Variants in ADK observed in about 807,000 individuals in gnomAD.
ADK encodes the protein N6,N6-dimethyladenosine kinase.
In ADK, 24 loss-of-function variants were observed where a neutral mutation model predicts 44.7. The ratio of observed to expected loss-of-function variants is 0.54; its 90% CI spans 0.39 to 0.76. ADK has a LOEUF of 0.76. Among genes scored for constraint, ADK ranks in the 30% least tolerant of loss-of-function variants. The pLI is 0.00. For synonymous variants in ADK, 128 were observed against 142.6 expected, an observed-to-expected ratio of 0.90 and a Z score of 0.73; for missense variants, 321 against 425.1, an observed-to-expected ratio of 0.76 and a Z score of 2.15.
intron 6 of ADK, among the ~76,000 whole-genome samples, chr10:74,482,706 A>C (rs901080620): frequency 1.3e-5 from 2 of 152,236 alleles, no homozygotes; most frequent in African/African-American, 4.8e-5. Flanking sequence ...CTGTTCCAAA[A>C]GGGATAAATC....
intron 4 of ADK, among the ~76,000 whole-genome samples, chr10:74,328,384 T>C (rs1306934574): frequency 3.3e-5 from 3 of 91,304 alleles, no homozygotes; most frequent in Non-Finnish European, 8.9e-5. Flanking sequence ...CCACTCATTT[T>C]TTCCACCATA....
At chr10:74,528,465 TAAA>T (rs542288544) in intron 7 of ADK, among the ~76,000 whole-genome samples, 1 of 131,434 alleles carries the variant, frequency 7.6e-6, no homozygotes, top group Admixed American at 7.7e-5. Flanking sequence ...AATCTTCACT[TAAA>T]AAAAAAAAAA....
intron 9 of ADK, among the ~76,000 whole-genome samples, chr10:74,638,359 T>C (rs1853693902): frequency 6.6e-6 from 1 of 152,204 alleles, no homozygotes; most frequent in South Asian, 2.1e-4. Context: ...TCACCATAAA[T>C]ACTTTCAATA....
chr10:74,277,169 C>G (rs1846721154), intron 3 of ADK, among the ~76,000 whole-genome samples: 1 of 152,186 alleles, frequency 6.6e-6, no homozygotes. Context: ...CCGCCCTCCT[C>G]AGCCTCCCAA....
chr10:74,458,839 GA>G (rs1846054960), intron 6 of ADK, among the ~76,000 whole-genome samples: 1 of 152,122 alleles, frequency 6.6e-6, no homozygotes, highest in South Asian at 2.1e-4. Context: ...CCTTACGAGA[GA>G]GTTCTTTTGA....
intron 6 of ADK, among the ~76,000 whole-genome samples, chr10:74,475,749 G>A (rs539714191): frequency 1.4e-5 from 2 of 145,546 alleles, no homozygotes; most frequent in Admixed American, 7.0e-5. Flanking sequence ...GAGAGAAAGA[G>A]AGAAATAAAA....
chr10:74,437,503 C>G (rs904272536), intron 6 of ADK, among the ~76,000 whole-genome samples: 2 of 152,126 alleles, frequency 1.3e-5, no homozygotes, highest in African/African-American at 4.8e-5. Context: ...CCTAGCCAAA[C>G]CCTAGGAGTC....
intron 6 of ADK, among the ~76,000 whole-genome samples, chr10:74,455,546 C>T (rs1011653272): frequency 2.6e-5 from 4 of 151,954 alleles, no homozygotes; most frequent in African/African-American, 7.3e-5. Context: ...AGTCTCACTC[C>T]GTCACCAGGC....
At chr10:74,409,986 C>A (rs1483480228) in intron 6 of ADK, among the ~76,000 whole-genome samples, 1 of 151,984 alleles carries the variant, frequency 6.6e-6, no homozygotes, top group Non-Finnish European at 1.5e-5. Context: ...TATCAGTAAT[C>A]TAAAAGCAAT....
chr10:74,385,267 G>GTGTTAATA (rs1843105254), intron 4 of ADK, among the ~76,000 whole-genome samples: 1 of 152,104 alleles, frequency 6.6e-6, no homozygotes, highest in Admixed American at 6.6e-5. Flanking sequence ...GTTAATAGAG[G>GTGTTAATA]CAGGAGTAAA....
intron 3 of ADK, among the ~76,000 whole-genome samples, chr10:74,314,343 A>AT: frequency 6.6e-6 from 1 of 151,990 alleles, no homozygotes; most frequent in Non-Finnish European, 1.5e-5. Flanking sequence ...TGGGATTCTG[A>AT]TTTTGACTTA....
intron 6 of ADK, among the ~76,000 whole-genome samples, chr10:74,462,297 C>T (rs1359187210): frequency 1.6e-4 from 24 of 151,910 alleles, no homozygotes; most frequent in East Asian, 3.9e-4. Flanking sequence ...AGAAGTTATA[C>T]GGAGTATTAA....
intron 3 of ADK, among the ~76,000 whole-genome samples, chr10:74,282,394 A>G (rs534819421): frequency 2.0e-5 from 3 of 152,208 alleles, no homozygotes; most frequent in African/African-American, 7.2e-5. Context: ...AAACTGTGAA[A>G]GGGGTTTAAG....
intron 6 of ADK, among the ~76,000 whole-genome samples, chr10:74,458,193 A>G (rs1846029422): frequency 8.3e-6 from 1 of 121,176 alleles, no homozygotes; most frequent in Non-Finnish European, 1.6e-5. Context: ...GTGCAGCGGT[A>G]TGATCACCGC....
chr10:74,547,832 A>G (rs1291857320), intron 7 of ADK, among the ~76,000 whole-genome samples: 6 of 151,814 alleles, frequency 4.0e-5, no homozygotes, highest in African/African-American at 1.2e-4. Flanking sequence ...CTAATTTTGT[A>G]TTTTTGGTAG....
chr10:74,691,605 G>A (rs1174525847), intron 10 of ADK, among the ~76,000 whole-genome samples: 1 of 152,166 alleles, frequency 6.6e-6, no homozygotes, highest in Non-Finnish European at 1.5e-5. Context: ...AAGGATCTGA[G>A]CCAGAGCCAT....
intron 4 of ADK, among the ~76,000 whole-genome samples, chr10:74,362,890 GA>G (rs1431311476): frequency 2.0e-5 from 3 of 152,226 alleles, no homozygotes; most frequent in Non-Finnish European, 2.9e-5. Flanking sequence ...GGCTGCCTGG[GA>G]ATGCTGTCCA....
At chr10:74,486,073 C>T (rs941142489) in intron 6 of ADK, among the ~76,000 whole-genome samples, 9 of 152,138 alleles carry the variant, frequency 5.9e-5, no homozygotes, top group African/African-American at 1.4e-4. Context: ...ATTGTAATCC[C>T]TATAATCCCC....
In ADK at chr10:74,640,233, C is replaced by G. The variant is rs533535536; in HGVS notation, c.878-29950C>G. On this transcript the variant is annotated intron_variant, in intron 9 of 10. Transcript: ENST00000539909. ...ATGAGGCAGGGCCTTGAAAGTGGCT[C>G]TCTCTCAGATCTAACTCCTCAGGGA... Among the ~76,000 whole-genome samples, 6 of 152,320 alleles carry G rather than the reference C, an allele frequency of 3.9e-5. No homozygotes were observed. The South Asian group carries it at 8.3e-4, about 21-fold the overall frequency.
Sources: allele counts gnomAD v4.1 joint callset (sites outside exome capture counted in the v4.1 genomes callset), GRCh38; gene constraint gnomAD v4.1.1; transcripts MANE v1.5; gene names NCBI Gene and HGNC (gene_info 2026-07-23, HGNC 2026-07-21).